The following VPS37A variants were observed in gnomAD, a reference collection of about 807,000 sequenced individuals.
VPS37A encodes vacuolar protein sorting-associated protein 37A.
VPS37A carries 30 observed loss-of-function variants against 49.8 expected under a neutral mutation model. The ratio of observed to expected loss-of-function variants is 0.60; its 90% CI spans 0.45 to 0.82. The LOEUF (loss-of-function observed/expected upper bound fraction) is 0.82. VPS37A is among the 40% of genes least tolerant of loss of function. VPS37A has a pLI of 0.00. For missense variants in VPS37A, 593 were observed against 464.4 expected (o/e 1.28, Z -2.55); for synonymous variants, 195 against 160.6 (o/e 1.21, Z -1.62).
At chr8:17,332,293 A>G in the VPS37A span, among the ~76,000 whole-genome samples, 1 of 152,238 alleles carries the variant, frequency 6.6e-6, no homozygotes, top group Non-Finnish European at 1.5e-5. Flanking sequence ...CTAAGTTTAA[A>G]GTTAAAGACA....
chr8:17,252,080 T>G (rs985065364), intron 1 of VPS37A, among the ~76,000 whole-genome samples: 1 of 152,246 alleles, frequency 6.6e-6, no homozygotes, highest in Non-Finnish European at 1.5e-5. Flanking sequence ...TGTCTGTGTT[T>G]CAACCCGTCG....
At chr8:17,303,346 G>A (rs1817249754), downstream of VPS37A, among the ~76,000 whole-genome samples, 2 of 152,038 alleles carry the variant, frequency 1.3e-5, no homozygotes, top group African/African-American at 4.8e-5. Context: ...TAATTAGATT[G>A]AAATAATTAA....
chr8:17,271,935 C>G, intron 4 of VPS37A: 1 of 451,186 alleles, frequency 2.2e-6, no homozygotes, highest in Non-Finnish European at 4.4e-6. Flanking sequence ...TCCAGGAAAT[C>G]TCATCTTTCA....
chr8:17,332,380 A>C, the VPS37A span, among the ~76,000 whole-genome samples: 1 of 152,220 alleles, frequency 6.6e-6, no homozygotes, highest in Non-Finnish European at 1.5e-5. Flanking sequence ...GATGCCCAAG[A>C]ATGTTTATTG....
downstream of VPS37A, chr8:17,299,794 C>T (rs1170003199): frequency 3.2e-6 from 5 of 1,566,338 alleles, no homozygotes; most frequent in Middle Eastern, 1.7e-4. Context: ...TACAATAAAC[C>T]ACCTTGTTCC....
At chr8:17,293,532 A>C (rs1586089983) in intron 11 of VPS37A, among the ~76,000 whole-genome samples, 1 of 151,912 alleles carries the variant, frequency 6.6e-6, no homozygotes, top group African/African-American at 2.4e-5. Flanking sequence ...GGAGGAGAAG[A>C]GGCTTTCTGG....
the VPS37A span, among the ~76,000 whole-genome samples, chr8:17,316,380 T>C: frequency 4.0e-3 from 608 of 152,070 alleles, 7 homozygotes; most frequent in African/African-American, 0.014. Flanking sequence ...CTATATAATA[T>C]TCCACTCTAT....
At chr8:17,313,224 G>T in the VPS37A span, 1 of 1,170,220 alleles carries the variant, frequency 8.5e-7, no homozygotes, top group Non-Finnish European at 1.3e-6. Flanking sequence ...CATGGCAGAG[G>T]GATACCCATT....
rs752230556 is a variant in VPS37A at position 17,286,380 on chromosome 8, C to G, written c.1147C>G (p.Leu383Val). 2 of 1,613,798 alleles carry G rather than the reference C, an allele frequency of 1.2e-6. No homozygotes were observed. The highest frequency in any genetic ancestry group is 1.1e-5 in the South Asian group (1 of 91,040). ...CTGTAGAAGAGCCAAGGAAGAGAAACTTCAGCAGGCGATAGCAATGCACAG... is the reference window on the plus strand; with the variant it reads ...CTGTAGAAGAGCCAAGGAAGAGAAAGTTCAGCAGGCGATAGCAATGCACAG... The part of the protein sequence containing the change: ...CHCRRAKEEK[L>V]QQAIAMHSQF... Residue 383 changes from leucine to valine, a missense_variant, in exon 11 of 12, where the codon CTT (leucine) becomes GTT (valine). Transcript: ENST00000324849.
chr8:17,317,807 T>C, the VPS37A span, among the ~76,000 whole-genome samples: 1 of 152,200 alleles, frequency 6.6e-6, no homozygotes, highest in Non-Finnish European at 1.5e-5. Flanking sequence ...AGCTTTTTTT[T>C]CTAGTCTGTG....
chr8:17,295,808 T>A lies in VPS37A; in HGVS notation c.*822T>A, dbSNP rs1816581885. ...TAAATCTATACACAAAAAAAGTCAGTGAACTTTTCTGACCTTTACTGTGAG... is the reference window on the plus strand; with the variant it reads ...TAAATCTATACACAAAAAAAGTCAGAGAACTTTTCTGACCTTTACTGTGAG... On this transcript the variant is annotated 3_prime_UTR_variant, in exon 12 of 12. Transcript: ENST00000324849. 1 of 152,202 alleles carries A rather than the reference T, an allele frequency of 6.6e-6. No individual in the cohort carries two copies. The highest frequency in any genetic ancestry group is 1.9e-4 in the East Asian group (1 of 5,206). The allele number at this position is 152,202 out of a possible 1,614,324, so 9.4% of individuals were successfully genotyped here.
chr8:17,317,263 C>T, the VPS37A span, among the ~76,000 whole-genome samples: 2 of 152,172 alleles, frequency 1.3e-5, no homozygotes, highest in African/African-American at 2.4e-5. Context: ...GTGCCGTGTG[C>T]ATGGGCAGGC....
At chr8:17,311,809 G>C in the VPS37A span, 13 of 969,622 alleles carry the variant, frequency 1.3e-5, no homozygotes, top group Non-Finnish European at 1.8e-5. Flanking sequence ...GAGTGGCCTG[G>C]TGCTGGCAGC....
intron 4 of VPS37A, chr8:17,272,082 A>C (rs116835665): frequency 8.8e-6 from 4 of 456,560 alleles, no homozygotes; most frequent in Admixed American, 4.7e-5. Flanking sequence ...TCTGTTTTCC[A>C]TATTATTGCA....
At position 17,295,655 on chromosome 8, in the gene VPS37A, C is replaced by T. The variant is rs994500072; in HGVS notation, c.*669C>T. ...ACCTAATAGGAAAAAAAAAAGTTGC[C>T]TTTCATTTAAACCATTCCAACAGAA... is the stretch of plus-strand genomic sequence containing the variant. On this transcript the variant is annotated 3_prime_UTR_variant, in exon 12 of 12. Transcript: ENST00000324849. 13 of 152,358 alleles carry T rather than the reference C, an allele frequency of 8.5e-5. No individual in the cohort carries two copies. Among genetic ancestry groups the T allele is most frequent in the African/African-American group, 3.1e-4 (13 of 41,494 alleles). 9.4% of individuals were successfully genotyped at this position (152,358 alleles called of 1,614,324 possible). A position where few individuals can be genotyped will look rare whatever the true frequency, so the allele number is the denominator to read the frequency against.
intron 1 of VPS37A, among the ~76,000 whole-genome samples, chr8:17,257,618 C>G (rs1812592514): frequency 6.6e-6 from 1 of 152,146 alleles, no homozygotes; most frequent in Non-Finnish European, 1.5e-5. Flanking sequence ...ACATGTACTC[C>G]AGAACCTAAA....
intron 11 of VPS37A, among the ~76,000 whole-genome samples, chr8:17,287,379 T>A (rs779488666): frequency 1.3e-5 from 2 of 152,128 alleles, no homozygotes; most frequent in Non-Finnish European, 2.9e-5. Flanking sequence ...CTATTCTTTT[T>A]TAAAATTTTT....
At chr8:17,268,187 T>A in intron 2 of VPS37A, 71 bp from the exon 3 acceptor site, 1 of 1,067,378 alleles carries the variant, frequency 9.4e-7, no homozygotes, top group Non-Finnish European at 1.4e-6. Flanking sequence ...TAGCTTTGTT[T>A]TAAGATTTTG....
chr8:17,262,428 G>A (rs1813039236), intron 1 of VPS37A, among the ~76,000 whole-genome samples: 1 of 152,138 alleles, frequency 6.6e-6, no homozygotes, highest in Non-Finnish European at 1.5e-5. Flanking sequence ...TATTATTACA[G>A]CTTTATTTAG....
Sources: gnomAD v4.1 joint callset for allele counts (sites outside exome capture counted in the v4.1 genomes callset) on GRCh38, gnomAD v4.1.1 for gene constraint, MANE v1.5 for transcripts, NCBI Gene and HGNC (gene_info 2026-07-23, HGNC 2026-07-21) for gene names.